Variants in ECM2 observed in about 807,000 individuals in gnomAD.
The protein encoded by ECM2 is extracellular matrix protein 2.
In ECM2, 57 loss-of-function variants were observed where a neutral mutation model predicts 67.5. The observed-to-expected ratio is 0.84, with a 90% confidence interval of 0.68 to 1.05. The LOEUF (loss-of-function observed/expected upper bound fraction) is 1.05. Ranked by LOEUF, ECM2 falls within the 50% of genes least tolerant of loss-of-function variation. The probability of loss-of-function intolerance (pLI) is 0.00; values close to 1 mark genes in which losing one functional copy is unlikely to be tolerated. For missense variants in ECM2, 741 were observed against 822.8 expected (o/e 0.90, Z 1.22); for synonymous variants, 258 against 294.5 (o/e 0.88, Z 1.27).
chr9:92,500,188 T>C (rs1290715403), intron 9 of ECM2, among the ~76,000 whole-genome samples: 1 of 152,164 alleles, frequency 6.6e-6, no homozygotes, highest in African/African-American at 2.4e-5. Flanking sequence ...AATAATCTGT[T>C]AATCTTTTTT....
At chr9:92,551,900 C>T in the ECM2 span, among the ~76,000 whole-genome samples, 1 of 129,740 alleles carries the variant, frequency 7.7e-6, no homozygotes, top group African/African-American at 2.7e-5. Flanking sequence ...GAGTTAACAG[C>T]ATTTGTTATA....
chr9:92,519,756 G>T (rs540613190), intron 2 of ECM2, among the ~76,000 whole-genome samples: 1 of 152,126 alleles, frequency 6.6e-6, no homozygotes, highest in Non-Finnish European at 1.5e-5. Context: ...AAATCTTTAT[G>T]ACCTCATATT....
chr9:92,495,643 A>G lies in ECM2; in HGVS notation c.*672T>C. On this transcript the variant is annotated 3_prime_UTR_variant, in exon 10 of 10. Coordinates refer to ENST00000344604, the MANE Select transcript of ECM2 (RefSeq NM_001393.4). ...ATTTTAGAATTATAGAAAAGTTTCA[A>G]AAAGAGTATAGAATTTATGCACACC... The G allele has an allele frequency of 1.1e-6, 1 of 927,718 alleles. No individual in the cohort carries two copies. The highest frequency in any genetic ancestry group is 1.3e-6 in the Non-Finnish European group (1 of 777,396). 57.5% of individuals were successfully genotyped at this position (927,718 alleles called of 1,614,324 possible).
chr9:92,510,199 T>C (rs1002065913), intron 5 of ECM2, among the ~76,000 whole-genome samples, 165 bp from the exon 6 acceptor site: 3 of 152,208 alleles, frequency 2.0e-5, no homozygotes, highest in Non-Finnish European at 4.4e-5. Context: ...GCCAGGTTGA[T>C]ATTGATCCTG....
chr9:92,554,090 C>T, the ECM2 span, among the ~76,000 whole-genome samples: 1 of 151,888 alleles, frequency 6.6e-6, no homozygotes. Context: ...CCTTGTGTGC[C>T]GATTTTGTTG....
intron 4 of ECM2, among the ~76,000 whole-genome samples, chr9:92,514,220 C>T (rs888963748): frequency 6.7e-6 from 1 of 149,952 alleles, no homozygotes; most frequent in Admixed American, 6.6e-5. Context: ...CCTCAGCCTC[C>T]TGAGTAGCTG....
chr9:92,511,965 T>C (rs775809629), intron 5 of ECM2, 46 bp downstream of exon 5: 9 of 1,416,306 alleles, frequency 6.4e-6, no homozygotes, highest in Non-Finnish European at 8.8e-6. Flanking sequence ...ATGCAAGTCA[T>C]AGTGAAGCCA....
the ECM2 span, among the ~76,000 whole-genome samples, chr9:92,549,583 G>A: frequency 4.7e-5 from 7 of 150,442 alleles, no homozygotes; most frequent in Non-Finnish European, 8.9e-5. Flanking sequence ...GGAGGCAAAG[G>A]TTACAGTGAG....
intron 6 of ECM2, among the ~76,000 whole-genome samples, chr9:92,508,849 A>C (rs774761400): frequency 6.6e-6 from 1 of 152,154 alleles, no homozygotes; most frequent in Non-Finnish European, 1.5e-5. Context: ...TGTTTAATAA[A>C]TAACATAATA....
chr9:92,533,306 A>ACAAAC (rs1336997444), intron 1 of ECM2, among the ~76,000 whole-genome samples: 70 of 42,952 alleles, frequency 1.6e-3, no homozygotes, highest in Non-Finnish European at 2.4e-3. Flanking sequence ...TCTCAAACAA[A>ACAAAC]AAAAAAAAAA....
In ECM2 at chr9:92,502,502, C is replaced by A; in HGVS notation, c.1604+11G>T. 2.5e-6 allele frequency: 4 copies of A among 1,611,024 alleles called. No homozygotes were observed. The highest frequency in any genetic ancestry group is 3.4e-6 in the Non-Finnish European group (4 of 1,178,422). ...TAGTTCAATAAAATTTAAATTGTAG[C>A]ATGTACTTACTCTTGATTTATCCAG... On this transcript the variant is annotated intron_variant, in intron 8 of 9. Coordinates refer to ENST00000344604, the MANE Select transcript of ECM2 (RefSeq NM_001393.4).
At chr9:92,551,355 T>C in the ECM2 span, among the ~76,000 whole-genome samples, 1 of 152,186 alleles carries the variant, frequency 6.6e-6, no homozygotes, top group South Asian at 2.1e-4. Flanking sequence ...TTTTGTTTTT[T>C]GAGATAGGGT....
chr9:92,524,448 A>G (rs1324101367), intron 1 of ECM2, among the ~76,000 whole-genome samples: 2 of 152,332 alleles, frequency 1.3e-5, no homozygotes, highest in East Asian at 1.9e-4. Flanking sequence ...ACCTCCATCA[A>G]GGTGTTGCAG....
chr9:92,551,993 G>GT, the ECM2 span, among the ~76,000 whole-genome samples: 7 of 127,492 alleles, frequency 5.5e-5, 1 homozygote, highest in African/African-American at 1.5e-4. Context: ...GTATATATGT[G>GT]ATATATATGT....
intron 6 of ECM2, 71 bp from the exon 7 acceptor site, chr9:92,505,761 A>G: frequency 7.7e-7 from 1 of 1,296,952 alleles, no homozygotes; most frequent in Non-Finnish European, 1.1e-6. Context: ...GCCTTTTGAA[A>G]TGTCATGTGA....
At position 92,514,987 on chromosome 9, in the gene ECM2, G is replaced by A. The variant is rs1563979800; in HGVS notation, c.698C>T (p.Ser233Phe). 3 of 1,614,040 alleles carry A rather than the reference G, an allele frequency of 1.9e-6. No homozygotes were observed. Among genetic ancestry groups the A allele is most frequent in the Non-Finnish European group, 2.5e-6 (3 of 1,180,006 alleles). Residue 233 changes from serine (S) to phenylalanine (F), a missense_variant, in exon 4 of 10, where the codon TCT becomes TTT. By Grantham distance (155) the Ser-to-Phe change is radical (BLOSUM62 -2). Coordinates refer to ENST00000344604, the MANE Select transcript of ECM2 (RefSeq NM_001393.4). ...ACTGTAAAGTTGCCCCTGATTTCTA[G>A]ATTCAGGGGTCTCTCTCTTTTGCTC... ...DTEQKRETPESRNQGQLYSEG... is the reference protein window; with the variant it reads ...DTEQKRETPEFRNQGQLYSEG...
chr9:92,540,690 G>T (rs1849298263), upstream of ECM2, among the ~76,000 whole-genome samples: 1 of 151,708 alleles, frequency 6.6e-6, no homozygotes, highest in Admixed American at 6.6e-5. Context: ...AGAATCACTT[G>T]AACCTGGGAG....
At chr9:92,538,328 T>G (rs1563994499), upstream of ECM2, among the ~76,000 whole-genome samples, 1 of 152,236 alleles carries the variant, frequency 6.6e-6, no homozygotes, top group Admixed American at 6.5e-5. Flanking sequence ...ATTATGATCT[T>G]ACCTTCTTTT....
chr9:92,543,701 T>C, the ECM2 span, among the ~76,000 whole-genome samples: 1 of 152,198 alleles, frequency 6.6e-6, no homozygotes, highest in Non-Finnish European at 1.5e-5. Context: ...TCTTTTCATT[T>C]ACTTATGTCT....
Sources: allele counts gnomAD v4.1 joint callset (sites outside exome capture counted in the v4.1 genomes callset), GRCh38; gene constraint gnomAD v4.1.1; transcripts MANE v1.5; gene names NCBI Gene and HGNC (gene_info 2026-07-23, HGNC 2026-07-21).